LRIG1: variants seen among roughly 807,000 people sequenced by gnomAD.
The protein encoded by LRIG1 is leucine rich repeats and immunoglobulin like domains 1.
Under a neutral mutation model 99.2 loss-of-function variants are expected in LRIG1, and 48 were observed. That is an observed-to-expected ratio of 0.48 (90% CI 0.38 to 0.62). The LOEUF is 0.62. Ranked by LOEUF, LRIG1 falls within the 20% of genes least tolerant of loss-of-function variation. LRIG1 has a pLI of 0.00. For missense variants in LRIG1, 1,646 were observed against 1,434.4 expected (o/e 1.15, Z -2.38); for synonymous variants, 772 against 596.1 (o/e 1.29, Z -4.30).
chr3:66,459,177 G>A (rs946949527), intron 2 of LRIG1, among the ~76,000 whole-genome samples: 1 of 152,170 alleles, frequency 6.6e-6, no homozygotes, highest in Non-Finnish European at 1.5e-5. Flanking sequence ...TCCAATGAAG[G>A]AAAGGTGGGA....
intron 1 of LRIG1, among the ~76,000 whole-genome samples, chr3:66,472,442 G>A (rs971410846): frequency 6.6e-6 from 1 of 151,744 alleles, no homozygotes; most frequent in Non-Finnish European, 1.5e-5. Flanking sequence ...GTCACCACCC[G>A]TAAGTGATGC....
chr3:66,475,014 CA>C (rs1700688695), intron 1 of LRIG1, among the ~76,000 whole-genome samples: 1 of 152,196 alleles, frequency 6.6e-6, no homozygotes, highest in Non-Finnish European at 1.5e-5. Flanking sequence ...AAGAGCCATT[CA>C]ATTCACAGAG....
Position 66,407,365 on chromosome 3 carries a change from G to C in LRIG1, c.1062C>G (p.Leu354=). ...AGACGTACAAGACTCGCAGGCTCCT[G>C]AGTCCCTTGAAGGCACCCTCCGCAA... ...SHIAEGAFKG[L]RSLRVLDLDH... is the part of the protein sequence containing the mutation. The change falls in exon 8 of 19, where the codon CTC becomes CTG. Residue 354 remains leucine, a synonymous_variant. Coordinates refer to ENST00000273261, the MANE Select transcript of LRIG1 (RefSeq NM_015541.3). 1.2e-6 allele frequency: 2 copies of C among 1,614,082 alleles called. No individual in the cohort carries two copies. The highest frequency in any genetic ancestry group is 1.7e-6 in the Non-Finnish European group (2 of 1,180,030).
intron 3 of LRIG1, among the ~76,000 whole-genome samples, chr3:66,433,878 A>G (rs572215839): frequency 6.7e-4 from 102 of 152,332 alleles, no homozygotes; most frequent in African/African-American, 2.4e-3. Context: ...ATGAGAAGCA[A>G]TTCTTGCTGT....
At chr3:66,398,896 A>C in intron 10 of LRIG1, 74 bp downstream of exon 10, 1 of 1,234,308 alleles carries the variant, frequency 8.1e-7, no homozygotes, top group Non-Finnish European at 1.2e-6. Context: ...AGATGCGATT[A>C]AATTGCTAGC....
chr3:66,485,735 T>C (rs1252386521), intron 1 of LRIG1, among the ~76,000 whole-genome samples: 3 of 152,118 alleles, frequency 2.0e-5, no homozygotes, highest in African/African-American at 4.8e-5. Flanking sequence ...AAACAACAGA[T>C]GGCAAAACAT....
rs571254091 is a variant in LRIG1, at chr3:66,439,885, C to T, written c.365+11674G>A. Among the ~76,000 whole-genome samples, 8 of 152,294 alleles carry T rather than the reference C, an allele frequency of 5.3e-5. No homozygotes were observed. The East Asian group carries it at 1.2e-3, about 22-fold the overall frequency. On this transcript the variant is annotated intron_variant, in intron 3 of 18. Coordinates refer to ENST00000273261, the MANE Select transcript of LRIG1 (RefSeq NM_015541.3). ...TTCCTCATCACGCTGTGGCTAACTG[C>T]ACAGTATCTTCAAATTAAATCAACA...
At chr3:66,488,202 G>T (rs971744750) in intron 1 of LRIG1, among the ~76,000 whole-genome samples, 1 of 152,088 alleles carries the variant, frequency 6.6e-6, no homozygotes, top group African/African-American at 2.4e-5. Flanking sequence ...ATTTTAAGGA[G>T]TCCAATTACT....
At chr3:66,451,933 C>A (rs1276368446) in intron 2 of LRIG1, among the ~76,000 whole-genome samples, 1 of 152,156 alleles carries the variant, frequency 6.6e-6, no homozygotes. Context: ...TGAGAACAAG[C>A]CAAGAGGCAG....
intron 3 of LRIG1, among the ~76,000 whole-genome samples, chr3:66,442,373 A>G (rs1703568181): frequency 6.6e-6 from 1 of 152,188 alleles, no homozygotes; most frequent in Non-Finnish European, 1.5e-5. Context: ...AGCCATTTTC[A>G]GATTAGGTGC....
chr3:66,442,525 T>G (rs1703575678), intron 3 of LRIG1, among the ~76,000 whole-genome samples: 1 of 151,990 alleles, frequency 6.6e-6, no homozygotes, highest in Non-Finnish European at 1.5e-5. Flanking sequence ...AGCCAACCCC[T>G]TTCACACGGG....
intron 1 of LRIG1, among the ~76,000 whole-genome samples, chr3:66,477,803 G>T (rs1303815053): frequency 6.6e-6 from 1 of 152,104 alleles, no homozygotes. Flanking sequence ...GAAGAGGGGA[G>T]AGGAGGGGAG....
chr3:66,448,974 C>T (rs999258048), intron 3 of LRIG1, among the ~76,000 whole-genome samples: 1 of 152,138 alleles, frequency 6.6e-6, no homozygotes, highest in East Asian at 1.9e-4. Context: ...TCACTAGTTC[C>T]GAAAAGTAAG....
chr3:66,383,463 G>A (rs1436663176), intron 14 of LRIG1, 62 bp from the exon 15 acceptor site: 33 of 1,406,540 alleles, frequency 2.3e-5, no homozygotes, highest in South Asian at 4.1e-5. Context: ...GGCTCTGCCC[G>A]GTCTTCTGGA....
At position 66,415,186 on chromosome 3, in the gene LRIG1, T is replaced by A. The variant is rs559632738; in HGVS notation, c.504-123A>T. On this transcript the variant is annotated intron_variant, in intron 4 of 18. Coordinates refer to ENST00000273261, the MANE Select transcript of LRIG1 (RefSeq NM_015541.3). ...AGTTAAGACACCAGAGGGACAGGTT[T>A]CCAGTGAGATGTTTATCAGCCACAG... 3.9e-5 allele frequency: 36 copies of A among 933,452 alleles called. No individual in the cohort carries two copies. In the African/African-American group the frequency reaches 5.9e-4, roughly 15 times the overall value. 57.8% of individuals were successfully genotyped at this position (933,452 alleles called of 1,614,324 possible). A position where few individuals can be genotyped will look rare whatever the true frequency, so the allele number is the denominator to read the frequency against.
intron 1 of LRIG1, among the ~76,000 whole-genome samples, chr3:66,492,278 G>C (rs1010426245): frequency 2.6e-5 from 4 of 152,212 alleles, no homozygotes; most frequent in African/African-American, 9.6e-5. Flanking sequence ...AAGAAGTTCA[G>C]TGCAATGTAT....
At chr3:66,485,687 T>A (rs1700956121) in intron 1 of LRIG1, among the ~76,000 whole-genome samples, 1 of 152,170 alleles carries the variant, frequency 6.6e-6, no homozygotes, top group Non-Finnish European at 1.5e-5. Context: ...CAAAGGAACA[T>A]GGAACAGGAA....
chr3:66,411,552 T>C (rs1702462112), intron 6 of LRIG1, among the ~76,000 whole-genome samples: 1 of 152,124 alleles, frequency 6.6e-6, no homozygotes, highest in South Asian at 2.1e-4. Flanking sequence ...GGAGAATGGG[T>C]AGAGCAAGAA....
intron 12 of LRIG1, 84 bp from the exon 13 acceptor site, chr3:66,386,385 C>G: frequency 8.6e-7 from 1 of 1,164,762 alleles, no homozygotes; most frequent in Non-Finnish European, 1.2e-6. Context: ...CAGAAACTGA[C>G]ACAGACACCA....
Sources: gnomAD v4.1 joint callset for allele counts (sites outside exome capture counted in the v4.1 genomes callset) on GRCh38, gnomAD v4.1.1 for gene constraint, MANE v1.5 for transcripts, NCBI Gene and HGNC (gene_info 2026-07-23, HGNC 2026-07-21) for gene names.